NKAIN3: variants seen among roughly 807,000 people sequenced by gnomAD.
The protein encoded by NKAIN3 is sodium/potassium transporting ATPase interacting 3.
Under a neutral mutation model 30.2 loss-of-function variants are expected in NKAIN3, and 25 were observed. The observed-to-expected ratio is 0.83, with a 90% CI of 0.60 to 1.16. The LOEUF is 1.16. Among genes scored for constraint, NKAIN3 ranks in the 50% most tolerant of loss-of-function variants. The probability of loss-of-function intolerance (pLI) is 0.00; values close to 1 mark genes in which losing one functional copy is unlikely to be tolerated. For missense variants in NKAIN3, 225 were observed against 254.1 expected, an observed-to-expected ratio of 0.89 and a Z score of 0.78; for synonymous variants, 91 against 89.6, an observed-to-expected ratio of 1.02 and a Z score of -0.09.
intron 4 of NKAIN3, among the ~76,000 whole-genome samples, chr8:62,825,121 C>T (rs959616526): frequency 6.6e-6 from 1 of 152,178 alleles, no homozygotes; most frequent in African/African-American, 2.4e-5. Context: ...TTGCCTTACA[C>T]TATCTCTGCC....
rs1317648195 is a variant in NKAIN3 at position 62,394,642 on chromosome 8, GCT to G, written c.54+145517_54+145518del. On this transcript the variant is annotated intron_variant, in intron 1 of 6. Transcript: ENST00000623646. ...GACAATGTGGTGGCCAGACAGAGGTGCTCCTCACTTCCCAGACCTGGCGGCAG... is the reference window on the plus strand; with the variant it reads ...GACAATGTGGTGGCCAGACAGAGGTGCCTCACTTCCCAGACCTGGCGGCAG... Among the ~76,000 whole-genome samples, 48 of 38,398 alleles carry G rather than the reference GCT, an allele frequency of 1.3e-3. No individual in the cohort carries two copies. The Admixed American group carries it at 0.015, about 12-fold the overall frequency. 25.2% of individuals were successfully genotyped at this position (38,398 alleles called of 152,430 possible). A position where few individuals can be genotyped will look rare whatever the true frequency, so the allele number is the denominator to read the frequency against.
intron 3 of NKAIN3, among the ~76,000 whole-genome samples, chr8:62,631,797 C>T (rs1489448318): frequency 6.6e-6 from 1 of 152,154 alleles, no homozygotes; most frequent in Non-Finnish European, 1.5e-5. Context: ...TTTCTCTTCT[C>T]TTCAGAGCTC....
At chr8:62,463,204 T>G (rs149145136) in intron 1 of NKAIN3, among the ~76,000 whole-genome samples, 64 of 152,342 alleles carry the variant, frequency 4.2e-4, no homozygotes, top group African/African-American at 1.4e-3. Flanking sequence ...ATCAACAAAA[T>G]GTGCAATGAA....
At chr8:62,825,851 G>A (rs1299325539) in intron 4 of NKAIN3, among the ~76,000 whole-genome samples, 1 of 152,096 alleles carries the variant, frequency 6.6e-6, no homozygotes, top group Non-Finnish European at 1.5e-5. Context: ...TCTGGCTTAT[G>A]GCCCCTGACT....
chr8:62,456,518 T>TA lies in NKAIN3; in HGVS notation c.55-123006dup, dbSNP rs5891857. ...TGGGCGACAGAGCGAGACTCCGTCT[T>TA]AAAAAAAAAAAAAAATAAAAATAAG... On this transcript the variant is annotated intron_variant, in intron 1 of 6. Coordinates refer to ENST00000623646, the MANE Select transcript of NKAIN3 (RefSeq NM_001304533.3). Among the ~76,000 whole-genome samples the TA allele has an allele frequency of 3.7e-3, 536 of 143,696 alleles. 3 individuals are homozygous for TA. The highest frequency in any genetic ancestry group is 7.6e-3 in the African/African-American group (299 of 39,386). 94.3% of individuals were successfully genotyped at this position (143,696 alleles called of 152,430 possible). A position where few individuals can be genotyped will look rare whatever the true frequency, so the allele number is the denominator to read the frequency against.
intron 1 of NKAIN3, among the ~76,000 whole-genome samples, chr8:62,297,839 T>C (rs1385826645): frequency 1.3e-5 from 2 of 152,228 alleles, no homozygotes; most frequent in South Asian, 2.1e-4. Flanking sequence ...ACCCAAAGGA[T>C]TATAAATCAT....
chr8:62,808,031 C>T (rs1265814279), intron 4 of NKAIN3, among the ~76,000 whole-genome samples: 1 of 151,908 alleles, frequency 6.6e-6, no homozygotes, highest in African/African-American at 2.4e-5. Flanking sequence ...AAAATTTTAT[C>T]TTCTTTTTGA....
intron 4 of NKAIN3, among the ~76,000 whole-genome samples, chr8:62,871,258 C>T (rs866984703): frequency 2.6e-5 from 4 of 152,020 alleles, no homozygotes; most frequent in Middle Eastern, 3.4e-3. Context: ...AAAAAATTAG[C>T]CAGACCTGGT....
chr8:62,597,501 T>G (rs984773099), intron 3 of NKAIN3, among the ~76,000 whole-genome samples: 7 of 152,070 alleles, frequency 4.6e-5, no homozygotes, highest in African/African-American at 1.7e-4. Flanking sequence ...AGGGTTTGTC[T>G]TTTTGTGTTT....
In NKAIN3 at chr8:62,973,703, CA is replaced by C. The variant is rs200982280; in HGVS notation, c.*8297del. On this transcript the variant is annotated 3_prime_UTR_variant, in exon 7 of 7. Coordinates refer to ENST00000623646, the MANE Select transcript of NKAIN3 (RefSeq NM_001304533.3). ...ATTTGTCAATTTTGGCTTTTGTTGA[CA>C]TTGCTTTTGGTGTTTCAGTCATGAA... is the stretch of plus-strand genomic sequence containing the variant. Among the ~76,000 whole-genome samples the C allele has an allele frequency of 0.061, 9,324 of 152,142 alleles. 868 individuals carry two copies. The highest frequency in any genetic ancestry group is 0.2 in the African/African-American group (8,370 of 41,488).
intron 3 of NKAIN3, among the ~76,000 whole-genome samples, chr8:62,631,122 G>A (rs781512436): frequency 3.3e-5 from 5 of 152,004 alleles, no homozygotes; most frequent in South Asian, 2.1e-4. Context: ...ACACCTCTCC[G>A]CTGTCAGGTT....
At chr8:62,903,061 T>C (rs990670256) in intron 4 of NKAIN3, among the ~76,000 whole-genome samples, 2 of 152,212 alleles carry the variant, frequency 1.3e-5, no homozygotes, top group Admixed American at 6.5e-5. Flanking sequence ...ATCATTTGTT[T>C]TTCATTTTGA....
intron 4 of NKAIN3, chr8:62,863,151 T>C: frequency 6.6e-7 from 1 of 1,504,276 alleles, no homozygotes; most frequent in South Asian, 1.1e-5. Flanking sequence ...TTTCTTCTAT[T>C]ATTTTCCTTT....
chr8:62,538,780 A>G (rs1808748005), intron 1 of NKAIN3, among the ~76,000 whole-genome samples: 1 of 152,152 alleles, frequency 6.6e-6, no homozygotes, highest in African/African-American at 2.4e-5. Context: ...TTTTTCCACA[A>G]CGAGTTTTTC....
intron 4 of NKAIN3, among the ~76,000 whole-genome samples, chr8:62,818,572 T>TA (rs57373951): frequency 0.2 from 29,681 of 152,022 alleles, 3,327 homozygotes; most frequent in African/African-American, 0.29. Context: ...TTTGTTCACA[T>TA]AGCAAATTCT....
At position 62,998,614 on chromosome 8, in the gene NKAIN3, A is replaced by T. The variant is rs570552406; in HGVS notation, c.533-617A>T. 2.6e-5 allele frequency among the ~76,000 whole-genome samples: 4 copies of T among 152,120 alleles called. No individual in the cohort carries two copies. In the South Asian group the frequency reaches 6.2e-4, roughly 24 times the overall value. On this transcript the variant is annotated intron_variant, in intron 5 of 5. Transcript: ENST00000519049. ...TATCACTTGCACTATACAACTGCTGATCCCTCACCAGTCCTGTTGCTGGTA... is the reference window on the plus strand; with the variant it reads ...TATCACTTGCACTATACAACTGCTGTTCCCTCACCAGTCCTGTTGCTGGTA...
intron 3 of NKAIN3, among the ~76,000 whole-genome samples, chr8:62,599,041 C>G (rs1055878951): frequency 2.0e-5 from 3 of 152,000 alleles, no homozygotes; most frequent in Admixed American, 6.6e-5. Flanking sequence ...ATGGGGTAGT[C>G]TCAAGAAAAG....
chr8:62,582,234 A>G (rs955030516), intron 2 of NKAIN3, among the ~76,000 whole-genome samples: 2 of 147,548 alleles, frequency 1.4e-5, no homozygotes, highest in Admixed American at 6.8e-5. Flanking sequence ...TCTTCTACTT[A>G]TTAATTCAAG....
intron 4 of NKAIN3, among the ~76,000 whole-genome samples, chr8:62,844,193 A>G (rs991304908): frequency 1.3e-5 from 2 of 152,158 alleles, no homozygotes; most frequent in African/African-American, 4.8e-5. Flanking sequence ...GGCCTTAAAT[A>G]TTTTTTGGCA....
Sources: allele counts gnomAD v4.1 joint callset (sites outside exome capture counted in the v4.1 genomes callset), GRCh38; gene constraint gnomAD v4.1.1; transcripts MANE v1.5; gene names NCBI Gene and HGNC (gene_info 2026-07-23, HGNC 2026-07-21).